Variants in LOXL2 observed in about 807,000 individuals in gnomAD.
LOXL2 encodes the protein lysyl oxidase homolog 2.
LOXL2 carries 70 observed loss-of-function variants against 93.0 expected under a neutral mutation model. The ratio of observed to expected loss-of-function variants is 0.75; its 90% CI spans 0.62 to 0.92. The LOEUF is 0.92. LOXL2 is among the 40% of genes least tolerant of loss of function. LOXL2 has a pLI of 0.00. For missense variants in LOXL2, 973 were observed against 1,054.9 expected (o/e 0.92, Z 1.08); for synonymous variants, 438 against 413.2 (o/e 1.06, Z -0.73).
rs13221 is a variant in LOXL2 at position 23,297,863 on chromosome 8, C to G, written c.*180G>C. The G allele has an allele frequency of 1.7e-6, 1 of 575,934 alleles. No individual in the cohort carries two copies. Among genetic ancestry groups the G allele is most frequent in the Non-Finnish European group, 3.1e-6 (1 of 323,876 alleles). The allele number at this position is 575,934 out of a possible 1,614,324, so 35.7% of individuals were successfully genotyped here. On this transcript the variant is annotated 3_prime_UTR_variant, in exon 14 of 14. Coordinates refer to ENST00000389131, the MANE Select transcript of LOXL2 (RefSeq NM_002318.3). ...GGCCCCAAGGGTCAGGTAGCAGCCC[C>G]CCATGAATGATGGGAGGGTCCCTTT...
intron 10 of LOXL2, among the ~76,000 whole-genome samples, chr8:23,304,043 C>T (rs1205649080): frequency 6.6e-6 from 1 of 152,226 alleles, no homozygotes; most frequent in Admixed American, 6.5e-5. Flanking sequence ...GTGCTCCTCG[C>T]ATTGTGCAAA....
chr8:23,328,084 G>A (rs1803611921), intron 6 of LOXL2, among the ~76,000 whole-genome samples: 1 of 152,146 alleles, frequency 6.6e-6, no homozygotes, highest in African/African-American at 2.4e-5. Context: ...AGAGCACTGG[G>A]TTAGGAGCTG....
At chr8:23,389,906 G>A (rs923235255) in intron 1 of LOXL2, among the ~76,000 whole-genome samples, 2 of 152,158 alleles carry the variant, frequency 1.3e-5, no homozygotes, top group African/African-American at 2.4e-5. Context: ...GCCTGCCCCG[G>A]ATTTGAAGCA....
intron 1 of LOXL2, among the ~76,000 whole-genome samples, chr8:23,369,811 C>T (rs1804468609): frequency 6.6e-6 from 1 of 152,146 alleles, no homozygotes; most frequent in Non-Finnish European, 1.5e-5. Context: ...GACCAACGCA[C>T]AGCCTGACCC....
At chr8:23,387,282 G>A (rs544662590) in intron 1 of LOXL2, among the ~76,000 whole-genome samples, 4 of 152,286 alleles carry the variant, frequency 2.6e-5, no homozygotes, top group Admixed American at 6.5e-5. Flanking sequence ...TATAAGCTTT[G>A]CCAACAAGAG....
At chr8:23,376,339 G>T (rs1317981382) in intron 1 of LOXL2, among the ~76,000 whole-genome samples, 1 of 152,212 alleles carries the variant, frequency 6.6e-6, no homozygotes, top group African/African-American at 2.4e-5. Context: ...GGTTCAGTTT[G>T]TCAGTATTTT....
chr8:23,317,909 C>T (rs532946380), intron 8 of LOXL2, among the ~76,000 whole-genome samples: 1 of 31,396 alleles, frequency 3.2e-5, no homozygotes, highest in Admixed American at 3.2e-4. Context: ...GGGAGGTCTT[C>T]TCGGGATCGT....
At chr8:23,336,799 T>G (rs898044664) in intron 4 of LOXL2, 5 of 151,934 alleles carry the variant, frequency 3.3e-5, no homozygotes, top group African/African-American at 1.2e-4. Context: ...TCAGAACCAG[T>G]GGCCAGTAGT....
At position 23,303,812 on chromosome 8, in the gene LOXL2, G is replaced by A. The variant is rs563909127; in HGVS notation, c.1881-415C>T. Among the ~76,000 whole-genome samples the A allele has an allele frequency of 5.9e-5, 9 of 152,304 alleles. No individual in the cohort carries two copies. In the South Asian group the frequency reaches 8.3e-4, roughly 14 times the overall value. ...TTCTTCAGGGTAATTAAAAAACTCCGCATTTTGACGTCTTTTGAAATGGAA... is the reference window on the plus strand; with the variant it reads ...TTCTTCAGGGTAATTAAAAAACTCCACATTTTGACGTCTTTTGAAATGGAA... On this transcript the variant is annotated intron_variant, in intron 10 of 13. Transcript: ENST00000389131.
chr8:23,387,465 C>T lies in LOXL2; in HGVS notation c.-84+16489G>A, dbSNP rs189797597. On this transcript the variant is annotated intron_variant, in intron 1 of 13. Transcript: ENST00000389131. ...CCACTCAGACAGCCCACAGCACACC[C>T]TTCCAGGAAAAACAGGCGGGATGCT... Among the ~76,000 whole-genome samples the T allele has an allele frequency of 1.7e-3, 265 of 152,322 alleles. 1 individual carries two copies. The highest frequency in any genetic ancestry group is 5.8e-3 in the African/African-American group (241 of 41,574).
intron 6 of LOXL2, among the ~76,000 whole-genome samples, chr8:23,325,598 C>T (rs555177388): frequency 3.4e-4 from 51 of 152,208 alleles, no homozygotes; most frequent in African/African-American, 1.1e-3. Flanking sequence ...TTCTATCAGA[C>T]AGCACCGGTC....
chr8:23,380,406 A>AAAAAAAAAAAG (rs57485192), intron 1 of LOXL2, among the ~76,000 whole-genome samples: 17 of 128,486 alleles, frequency 1.3e-4, no homozygotes, highest in African/African-American at 3.6e-4. Context: ...AAAAAAAAAA[A>AAAAAAAAAAAG]AAAAAGACAT....
At chr8:23,351,565 A>G (rs1449747586) in intron 3 of LOXL2, among the ~76,000 whole-genome samples, 2 of 152,266 alleles carry the variant, frequency 1.3e-5, no homozygotes, top group African/African-American at 4.8e-5. Flanking sequence ...TGTGCAATCT[A>G]ACAAATAAAT....
At chr8:23,299,712 C>T (rs1436987691) in intron 12 of LOXL2, among the ~76,000 whole-genome samples, 1 of 152,312 alleles carries the variant, frequency 6.6e-6, no homozygotes, top group East Asian at 1.9e-4. Flanking sequence ...GACAGGCCTT[C>T]CCTCGAGGGT....
At chr8:23,400,253 T>C (rs1219784578) in intron 1 of LOXL2, among the ~76,000 whole-genome samples, 1 of 152,182 alleles carries the variant, frequency 6.6e-6, no homozygotes, top group Non-Finnish European at 1.5e-5. Context: ...CTGGGTACTT[T>C]GTAAAGGGAG....
At chr8:23,344,159 A>G (rs973968097) in intron 3 of LOXL2, among the ~76,000 whole-genome samples, 3 of 152,182 alleles carry the variant, frequency 2.0e-5, no homozygotes, top group Non-Finnish European at 1.5e-5. Flanking sequence ...CACCAACCCA[A>G]ACGCCAAGGG....
At chr8:23,319,850 G>C (rs1203643607) in intron 8 of LOXL2, 35 bp downstream of exon 8, 2 of 1,604,122 alleles carry the variant, frequency 1.2e-6, no homozygotes, top group South Asian at 2.2e-5. Flanking sequence ...ACTGCATGGG[G>C]GGTGAATGCG....
intron 5 of LOXL2, among the ~76,000 whole-genome samples, chr8:23,329,590 T>G (rs1489815808): frequency 6.6e-6 from 1 of 152,148 alleles, no homozygotes; most frequent in African/African-American, 2.4e-5. Context: ...TATGCGTGTG[T>G]GTGTTTTGGA....
At chr8:23,385,027 C>T (rs913864082) in intron 1 of LOXL2, among the ~76,000 whole-genome samples, 1 of 152,064 alleles carries the variant, frequency 6.6e-6, no homozygotes, top group African/African-American at 2.4e-5. Flanking sequence ...GTAATTTTAT[C>T]GTGCAAAGAC....
Sources: gnomAD v4.1 joint callset for allele counts (sites outside exome capture counted in the v4.1 genomes callset) on GRCh38, gnomAD v4.1.1 for gene constraint, MANE v1.5 for transcripts, NCBI Gene and HGNC (gene_info 2026-07-23, HGNC 2026-07-21) for gene names.